The following DDX60 variants were observed in gnomAD, a reference collection of about 807,000 sequenced individuals.
DDX60 encodes the protein probable ATP-dependent RNA helicase DDX60.
In DDX60, 165 loss-of-function variants were observed where a neutral mutation model predicts 212.8. The ratio of observed to expected loss-of-function variants is 0.78; its 90% CI spans 0.68 to 0.88. The LOEUF is 0.88. DDX60 is among the 40% of genes least tolerant of loss of function. DDX60 has a pLI of 0.00. For missense variants in DDX60, 1,905 were observed against 2,003.9 expected (o/e 0.95, Z 0.94); for synonymous variants, 703 against 685.3 (o/e 1.03, Z -0.40).
At chr4:168,280,267 G>A (rs1735530054) in intron 14 of DDX60, 68 bp downstream of exon 14, 12 of 1,526,638 alleles carry the variant, frequency 7.9e-6, no homozygotes, top group Non-Finnish European at 1.1e-5. Flanking sequence ...GTTAACAAAT[G>A]GCAACTATCA....
intron 29 of DDX60, 140 bp from the exon 30 acceptor site, chr4:168,246,758 A>T: frequency 2.4e-6 from 2 of 832,138 alleles, no homozygotes; most frequent in South Asian, 3.6e-5. Flanking sequence ...ACTAACATGC[A>T]ACTACATAGT....
intron 19 of DDX60, 111 bp downstream of exon 19, chr4:168,271,932 T>A: frequency 1.2e-6 from 1 of 848,214 alleles, no homozygotes; most frequent in Non-Finnish European, 1.8e-6. Flanking sequence ...AACGGAGGCC[T>A]TCTCAATCTG....
intron 10 of DDX60, among the ~76,000 whole-genome samples, chr4:168,285,945 AAGGG>A (rs1257458524): frequency 3.1e-5 from 4 of 127,736 alleles, no homozygotes; most frequent in African/African-American, 1.2e-4. Context: ...GGAAGGGAGG[AAGGG>A]AGGGAGGGAA....
chr4:168,276,022 G>T lies in DDX60; in HGVS notation c.2138C>A (p.Pro713Gln). The change falls in exon 15 of 38, where the codon CCA becomes CAA. Residue 713 changes from proline (P) to glutamine (Q), a missense_variant. Pro to Gln is a moderately conservative substitution (Grantham distance 76). Transcript: ENST00000393743. The part of the protein sequence containing the change: ...GFDELASSLH[P>Q]AQDAENDVKV... The stretch of plus-strand genomic sequence containing the variant: ...CTATTCTGATAATATTACCTGGGCT[G>T]GATGTAAAGAACTTGCCAACTCATC... 1 of 1,610,318 alleles carries T rather than the reference G, an allele frequency of 6.2e-7. No individual in the cohort carries two copies. The highest frequency in any genetic ancestry group is 8.5e-7 in the Non-Finnish European group (1 of 1,177,694).
At chr4:168,288,125 A>G (rs777068470) in intron 9 of DDX60, 49 bp downstream of exon 9, 7 of 1,215,794 alleles carry the variant, frequency 5.8e-6, no homozygotes, top group East Asian at 5.6e-5. Flanking sequence ...AATTCCTTAT[A>G]AAGTTTATCT....
At chr4:168,291,470 A>T (rs1321063818) in intron 8 of DDX60, among the ~76,000 whole-genome samples, 1 of 152,218 alleles carries the variant, frequency 6.6e-6, no homozygotes, top group African/African-American at 2.4e-5. Context: ...ATCACCAACC[A>T]TCAACTACAG....
chr4:168,262,111 G>C lies in DDX60; in HGVS notation c.3162C>G (p.Asn1054Lys). The C allele has an allele frequency of 6.3e-7, 1 of 1,585,928 alleles. No homozygotes were observed. The highest frequency in any genetic ancestry group is 8.5e-7 in the Non-Finnish European group (1 of 1,171,298). The change falls in exon 24 of 38, where the codon AAC becomes AAG. Residue 1054 changes from asparagine to lysine, a missense_variant. Physicochemically the swap from Asn to Lys is moderately conservative, Grantham distance 94 (BLOSUM62 0). Transcript: ENST00000393743. ...WPRAQELCPE[N>K]FIHFNNKLVI... is the part of the protein sequence containing the mutation. ...CTAATTTATTGTTAAAATGAATGAA[G>C]TTTTCTGGGCACAGTTCCTTGAAAA...
At chr4:168,300,625 T>C (rs1324427438) in intron 6 of DDX60, among the ~76,000 whole-genome samples, 1 of 151,144 alleles carries the variant, frequency 6.6e-6, no homozygotes, top group East Asian at 1.9e-4. Flanking sequence ...AAGTGTTTCC[T>C]ATACCTTTCA....
chr4:168,292,467 A>T (rs1296156958), intron 7 of DDX60, among the ~76,000 whole-genome samples: 1 of 152,212 alleles, frequency 6.6e-6, no homozygotes, highest in African/African-American at 2.4e-5. Context: ...AATCGCATTT[A>T]AAATAAAACA....
In DDX60 at chr4:168,275,440, G is replaced by A. The variant is rs767373127; in HGVS notation, c.2209C>T (p.Arg737Trp). The A allele has an allele frequency of 8.1e-6, 13 of 1,612,246 alleles. No homozygotes were observed. The highest frequency in any genetic ancestry group is 3.3e-5 in the Admixed American group (2 of 59,884). Residue 737 changes from arginine to tryptophan, a missense_variant, in exon 16 of 38, where the codon CGG (arginine) becomes TGG (tryptophan). By Grantham distance (101) the Arg-to-Trp change is moderately radical (BLOSUM62 -3). Transcript: ENST00000393743. ...TGGCCCATGTATTGCAGTTGGAACCGAGCTGGCCCAATGCCAACTGAATAT... is the reference window on the plus strand; with the variant it reads ...TGGCCCATGTATTGCAGTTGGAACCAAGCTGGCCCAATGCCAACTGAATAT... ...NKYSVGIGPA[R>W]FQLQYMGHYL...
At position 168,217,149 on chromosome 4, in the gene DDX60, C is replaced by T. The variant is rs1732876418; in HGVS notation, c.5040-117G>A. ...CCATCAGATGATGAAATTATGTTAG[C>T]AAAATATGAGGAATAATGATAAGAA... On this transcript the variant is annotated intron_variant, in intron 37 of 37. Coordinates refer to ENST00000393743, the MANE Select transcript of DDX60 (RefSeq NM_017631.6). 4.8e-6 allele frequency: 3 copies of T among 623,450 alleles called. No individual in the cohort carries two copies. In the African/African-American group the frequency reaches 5.9e-5, roughly 12 times the overall value. The allele number at this position is 623,450 out of a possible 1,614,324, so 38.6% of individuals were successfully genotyped here. A position where few individuals can be genotyped will look rare whatever the true frequency, so the allele number is the denominator to read the frequency against.
chr4:168,306,453 G>T lies in DDX60; in HGVS notation c.532C>A (p.Gln178Lys), dbSNP rs763768428. The change falls in exon 5 of 38, where the codon CAA becomes AAA. Residue 178 changes from glutamine to lysine, a missense_variant. By Grantham distance (53) the Gln-to-Lys change is moderately conservative (BLOSUM62 1). Transcript: ENST00000393743. ...RKVNVVLSSG[Q>K]ESDVLCLYAY... is the part of the protein sequence containing the mutation. ...TAAAGGCAAAGAACATCAGATTCTT[G>T]CCCTGAGGAAAGTACAACGTTGACC... 1.2e-6 allele frequency: 2 copies of T among 1,614,112 alleles called. No homozygotes were observed. The highest frequency in any genetic ancestry group is 1.7e-6 in the Non-Finnish European group (2 of 1,180,012).
intron 33 of DDX60, among the ~76,000 whole-genome samples, chr4:168,229,241 T>C (rs1269153413): frequency 6.6e-6 from 1 of 152,058 alleles, no homozygotes; most frequent in African/African-American, 2.4e-5. Context: ...ATATCATCAA[T>C]GGGGAAACTG....
At chr4:168,254,546 C>T (rs2149507398) in intron 26 of DDX60, among the ~76,000 whole-genome samples, 1 of 152,200 alleles carries the variant, frequency 6.6e-6, no homozygotes, top group African/African-American at 2.4e-5. Context: ...AATAATATTA[C>T]CTGCCAGGTA....
chr4:168,286,478 A>C (rs1735865250), intron 10 of DDX60, among the ~76,000 whole-genome samples: 1 of 147,654 alleles, frequency 6.8e-6, no homozygotes. Flanking sequence ...GTATATTATG[A>C]TAATAGACAA....
chr4:168,265,921 G>A (rs1232419845), intron 22 of DDX60, among the ~76,000 whole-genome samples: 1 of 151,604 alleles, frequency 6.6e-6, no homozygotes, highest in Non-Finnish European at 1.5e-5. Context: ...AGAGAATAAA[G>A]TGCCTTTTAT....
chr4:168,242,868 AC>A (rs1733898491), intron 30 of DDX60, among the ~76,000 whole-genome samples: 1 of 152,118 alleles, frequency 6.6e-6, no homozygotes, highest in South Asian at 2.1e-4. Flanking sequence ...CTGTGTCCCC[AC>A]CCAAATCCCA....
At chr4:168,242,839 G>C (rs1423016109) in intron 30 of DDX60, among the ~76,000 whole-genome samples, 1 of 152,106 alleles carries the variant, frequency 6.6e-6, no homozygotes, top group Non-Finnish European at 1.5e-5. Context: ...GGGACCAGGA[G>C]TGGAATTATA....
At chr4:168,283,694 G>T in intron 12 of DDX60, 88 bp from the exon 13 acceptor site, 1 of 910,962 alleles carries the variant, frequency 1.1e-6, no homozygotes, top group Non-Finnish European at 1.6e-6. Flanking sequence ...ACATCCAGTA[G>T]TTAAATTAGT....
Sources: gnomAD v4.1 joint callset for allele counts (sites outside exome capture counted in the v4.1 genomes callset) on GRCh38, gnomAD v4.1.1 for gene constraint, MANE v1.5 for transcripts, NCBI Gene and HGNC (gene_info 2026-07-23, HGNC 2026-07-21) for gene names.